Variants in PDE1C observed in about 807,000 individuals in gnomAD.
The protein encoded by PDE1C is dual specificity calcium/calmodulin-dependent 3',5'-cyclic nucleotide phosphodiesterase 1C.
A neutral mutation model predicts 93.1 loss-of-function variants in PDE1C; 62 were observed. That is an observed-to-expected ratio of 0.67 (90% CI 0.54 to 0.82). The LOEUF (loss-of-function observed/expected upper bound fraction) is 0.82, where lower values mean the gene tolerates loss of function less well. Among genes scored for constraint, PDE1C ranks in the 40% least tolerant of loss-of-function variants. The probability of loss-of-function intolerance (pLI) is 0.00; values close to 1 mark genes in which losing one functional copy is unlikely to be tolerated. For synonymous variants in PDE1C, 325 were observed against 310.1 expected, an observed-to-expected ratio of 1.05 and a Z score of -0.50; for missense variants, 742 against 884.6, an observed-to-expected ratio of 0.84 and a Z score of 2.04.
chr7:32,180,903 C>G (rs556672648), intron 2 of PDE1C, among the ~76,000 whole-genome samples: 25 of 152,174 alleles, frequency 1.6e-4, no homozygotes, highest in African/African-American at 6.0e-4. Flanking sequence ...GGACTGTGTC[C>G]CATCTTTTGT....
intron 2 of PDE1C, among the ~76,000 whole-genome samples, chr7:31,919,097 T>C (rs994386793): frequency 8.5e-5 from 13 of 152,216 alleles, no homozygotes; most frequent in African/African-American, 2.9e-4. Flanking sequence ...TTGCCAATTG[T>C]TTACTAACTT....
the PDE1C span, among the ~76,000 whole-genome samples, chr7:31,647,849 A>C: frequency 1.1e-4 from 17 of 152,226 alleles, no homozygotes; most frequent in Non-Finnish European, 2.5e-4. Context: ...CACTGCAGAT[A>C]AACATTTGAC....
chr7:31,791,332 TAAC>T (rs2128661561), intron 16 of PDE1C, among the ~76,000 whole-genome samples: 1 of 152,182 alleles, frequency 6.6e-6, no homozygotes, highest in African/African-American at 2.4e-5. Flanking sequence ...TTGAGAGAAA[TAAC>T]AGACAAAAGT....
chr7:31,667,046 G>A, the PDE1C span, among the ~76,000 whole-genome samples: 2 of 152,120 alleles, frequency 1.3e-5, no homozygotes, highest in African/African-American at 4.8e-5. Flanking sequence ...AAGTCGGGAT[G>A]TGGGCTAAGC....
intron 11 of PDE1C, among the ~76,000 whole-genome samples, chr7:31,834,671 T>G (rs953603515): frequency 4.6e-5 from 7 of 152,048 alleles, no homozygotes; most frequent in Non-Finnish European, 8.8e-5. Flanking sequence ...ACCCCCATTG[T>G]ATCTAGGATG....
chr7:31,997,238 A>G (rs1784831480), intron 2 of PDE1C, among the ~76,000 whole-genome samples: 1 of 152,200 alleles, frequency 6.6e-6, no homozygotes, highest in African/African-American at 2.4e-5. Flanking sequence ...TCAAGCTTTT[A>G]ATTTCTTACC....
intron 2 of PDE1C, among the ~76,000 whole-genome samples, chr7:32,181,876 A>C (rs909353214): frequency 5.3e-5 from 8 of 152,202 alleles, no homozygotes; most frequent in African/African-American, 1.9e-4. Context: ...TTTTTTGAAA[A>C]GATCAACAAC....
intron 2 of PDE1C, among the ~76,000 whole-genome samples, chr7:31,916,168 G>A (rs1801885432): frequency 6.6e-6 from 1 of 151,972 alleles, no homozygotes; most frequent in Admixed American, 6.6e-5. Context: ...AGATTTGGGG[G>A]GGTATCATGT....
chr7:32,336,741 A>G (rs1051583886), intron 1 of PDE1C, among the ~76,000 whole-genome samples: 2 of 152,236 alleles, frequency 1.3e-5, no homozygotes, highest in African/African-American at 2.4e-5. Flanking sequence ...CTACATTCAA[A>G]TAACTCATAA....
intron 9 of PDE1C, among the ~76,000 whole-genome samples, 176 bp from the exon 10 acceptor site, chr7:31,838,147 A>C (rs573550671): frequency 7.2e-5 from 11 of 152,324 alleles, no homozygotes; most frequent in African/African-American, 2.4e-4. Flanking sequence ...GCTAAGTATT[A>C]AGAAAATCAT....
chr7:32,294,920 A>T (rs148048336), intron 1 of PDE1C, among the ~76,000 whole-genome samples: 1 of 152,334 alleles, frequency 6.6e-6, no homozygotes, highest in East Asian at 1.9e-4. Flanking sequence ...CTCTCAAAGC[A>T]TCAAGGCGCT....
chr7:32,146,274 A>G (rs947616728), intron 3 of PDE1C, among the ~76,000 whole-genome samples: 3 of 152,186 alleles, frequency 2.0e-5, no homozygotes, highest in African/African-American at 7.2e-5. Flanking sequence ...AAATGACCAC[A>G]ACCTTAGTAG....
At chr7:32,218,620 T>C (rs1806609071) in intron 1 of PDE1C, among the ~76,000 whole-genome samples, 1 of 152,248 alleles carries the variant, frequency 6.6e-6, no homozygotes, top group African/African-American at 2.4e-5. Context: ...GCTCAAGCAA[T>C]CTATTTCTTC....
chr7:32,105,106 A>G (rs1367933153), intron 3 of PDE1C, among the ~76,000 whole-genome samples: 1 of 152,238 alleles, frequency 6.6e-6, no homozygotes, highest in East Asian at 1.9e-4. Context: ...CCATGGTTGC[A>G]TTGACCAACG....
At chr7:32,370,219 G>A (rs1156305689) in intron 1 of PDE1C, among the ~76,000 whole-genome samples, 2 of 152,170 alleles carry the variant, frequency 1.3e-5, no homozygotes, top group Non-Finnish European at 2.9e-5. Context: ...GGAGGCCGAG[G>A]AGGGCGGATC....
intron 3 of PDE1C, 49 bp from the exon 4 acceptor site, chr7:31,879,227 G>T (rs376003441): frequency 5.1e-6 from 8 of 1,561,594 alleles, no homozygotes; most frequent in Non-Finnish European, 7.0e-6. Flanking sequence ...TCTGAAGTTG[G>T]AGCTCTCTGT....
intron 2 of PDE1C, among the ~76,000 whole-genome samples, chr7:32,032,510 G>A (rs1341851737): frequency 1.3e-5 from 2 of 152,156 alleles, no homozygotes; most frequent in African/African-American, 4.8e-5. Context: ...CCACTGACAG[G>A]AACACTGATT....
intron 2 of PDE1C, among the ~76,000 whole-genome samples, chr7:31,892,553 A>G (rs1048138821): frequency 6.6e-6 from 1 of 152,182 alleles, no homozygotes; most frequent in African/African-American, 2.4e-5. Flanking sequence ...GTTTGTTTCA[A>G]TTTGAGGGTG....
chr7:32,402,524 A>G (rs976623797), intron 1 of PDE1C, among the ~76,000 whole-genome samples: 1 of 152,004 alleles, frequency 6.6e-6, no homozygotes, highest in Non-Finnish European at 1.5e-5. Context: ...TTCTATCCAG[A>G]CCCTCAACAG....
Sources: allele counts gnomAD v4.1 joint callset (sites outside exome capture counted in the v4.1 genomes callset), GRCh38; gene constraint gnomAD v4.1.1; transcripts MANE v1.5; gene names NCBI Gene and HGNC (gene_info 2026-07-23, HGNC 2026-07-21).